The following GCLC variants were observed in gnomAD, a reference collection of about 807,000 sequenced individuals.
GCLC encodes glutamate--cysteine ligase catalytic subunit.
Under a neutral mutation model 81.5 loss-of-function variants are expected in GCLC, and 30 were observed. The ratio of observed to expected loss-of-function variants is 0.37; its 90% CI spans 0.28 to 0.50. GCLC has a LOEUF of 0.50. Among genes scored for constraint, GCLC ranks in the 20% least tolerant of loss-of-function variants. GCLC has a pLI of 0.96. For synonymous variants in GCLC, 262 were observed against 273.3 expected, an observed-to-expected ratio of 0.96 and a Z score of 0.41; for missense variants, 556 against 777.4, an observed-to-expected ratio of 0.72 and a Z score of 3.39.
At chr6:53,543,781 C>T (rs1763399158) in intron 1 of GCLC, among the ~76,000 whole-genome samples, 1 of 150,242 alleles carries the variant, frequency 6.7e-6, no homozygotes, top group African/African-American at 2.5e-5. Flanking sequence ...AGAGACATTT[C>T]ATCTCTAGGC....
intron 6 of GCLC, chr6:53,513,522 T>C (rs1183002998): frequency 1.3e-5 from 2 of 151,382 alleles, no homozygotes; most frequent in African/African-American, 4.9e-5. Flanking sequence ...GTAAAGGGAG[T>C]TGCCCAAAAA....
intron 12 of GCLC, among the ~76,000 whole-genome samples, chr6:53,503,754 T>TTTTAC (rs1764558809): frequency 6.6e-6 from 1 of 152,172 alleles, no homozygotes; most frequent in Admixed American, 6.6e-5. Flanking sequence ...GATTATTGTA[T>TTTTAC]ATCTTTCCTA....
chr6:53,535,265 A>T (rs1204830389), intron 1 of GCLC, among the ~76,000 whole-genome samples: 1 of 152,198 alleles, frequency 6.6e-6, no homozygotes, highest in African/African-American at 2.4e-5. Flanking sequence ...CTGTAATCCT[A>T]GCACTCTGGG....
intron 1 of GCLC, among the ~76,000 whole-genome samples, chr6:53,522,946 CACTT>C (rs1378732064): frequency 6.6e-6 from 1 of 152,218 alleles, no homozygotes; most frequent in African/African-American, 2.4e-5. Flanking sequence ...AGGTAGATTA[CACTT>C]ACTTACTGGC....
At chr6:53,539,766 A>T (rs1275464575) in intron 1 of GCLC, among the ~76,000 whole-genome samples, 1 of 152,106 alleles carries the variant, frequency 6.6e-6, no homozygotes, top group African/African-American at 2.4e-5. Flanking sequence ...CACACCATCC[A>T]CCACACCCAC....
chr6:53,544,194 C>G (rs1014732343), intron 1 of GCLC, among the ~76,000 whole-genome samples: 18 of 152,206 alleles, frequency 1.2e-4, no homozygotes, highest in African/African-American at 4.3e-4. Flanking sequence ...GTTGAAGACT[C>G]GCAGCACCTA....
At chr6:53,537,978 T>G (rs1203689976) in intron 1 of GCLC, among the ~76,000 whole-genome samples, 1 of 152,072 alleles carries the variant, frequency 6.6e-6, no homozygotes, top group Non-Finnish European at 1.5e-5. Flanking sequence ...AAAATTGAAG[T>G]TGGGAGAGTA....
intron 1 of GCLC, among the ~76,000 whole-genome samples, chr6:53,533,474 C>T (rs1240365823): frequency 6.6e-6 from 1 of 152,178 alleles, no homozygotes; most frequent in Non-Finnish European, 1.5e-5. Context: ...ACTACTAACT[C>T]CCACATCAAA....
rs776669516 is a variant in GCLC, at chr6:53,498,852, G to A, written c.1818C>T (p.Asn606=). ...EMNYSLILKC[N]QIANELCECP... ...ATTCACATAATTCATTTGCAATTTGGTTACACTTCAAAATAAGGCTATAAT... is the reference window on the plus strand; with the variant it reads ...ATTCACATAATTCATTTGCAATTTGATTACACTTCAAAATAAGGCTATAAT... The change falls in exon 16 of 16, where the codon AAC becomes AAT. Residue 606 remains asparagine (N), a synonymous_variant. Transcript: ENST00000650454. 11 of 1,612,284 alleles carry A rather than the reference G, an allele frequency of 6.8e-6. No homozygotes were observed. The Admixed American group carries it at 1.8e-4, about 27-fold the overall frequency.
chr6:53,500,192 C>G (rs945040003), intron 14 of GCLC, 27 bp from the exon 15 acceptor site: 3 of 1,613,944 alleles, frequency 1.9e-6, no homozygotes, highest in Non-Finnish European at 2.5e-6. Flanking sequence ...ACTTTATGAA[C>G]TCCCTGCCGG....
In GCLC at chr6:53,544,262, G is replaced by A. The variant is rs557626544; in HGVS notation, c.150+234C>T. Among the ~76,000 whole-genome samples, 13 of 152,322 alleles carry A rather than the reference G, an allele frequency of 8.5e-5. No homozygotes were observed. In the South Asian group the frequency reaches 2.7e-3, roughly 32 times the overall value. Reference sequence around the variant, plus strand: ...GCCCAATCCGTGTTTATGGAATGAAGGGGAAAACCCAAAAGAATGAATGAA... The same window carrying A: ...GCCCAATCCGTGTTTATGGAATGAAAGGGAAAACCCAAAAGAATGAATGAA... On this transcript the variant is annotated intron_variant, in intron 1 of 15. Coordinates refer to ENST00000650454, the MANE Select transcript of GCLC (RefSeq NM_001498.4).
chr6:53,543,916 C>T (rs1025333344), intron 1 of GCLC, among the ~76,000 whole-genome samples: 4 of 152,164 alleles, frequency 2.6e-5, no homozygotes, highest in South Asian at 2.1e-4. Context: ...GGTTCCTCCC[C>T]CATGTAGGAA....
At chr6:53,511,702 A>G (rs565980998) in intron 6 of GCLC, among the ~76,000 whole-genome samples, 128 of 152,010 alleles carry the variant, frequency 8.4e-4, no homozygotes, top group Non-Finnish European at 1.2e-3. Context: ...TTATACCTTA[A>G]AAAGCTATGA....
In GCLC at chr6:53,507,777, T is replaced by G. The variant is rs897139334; in HGVS notation, c.946-159A>C. 4.8e-4 allele frequency among the ~76,000 whole-genome samples: 73 copies of G among 152,186 alleles called. 2 individuals are homozygous for G. The highest frequency in any genetic ancestry group is 2.1e-4 in the South Asian group (1 of 4,830). ...AAGGAAAATTATGTTTTTTAAAATC[T>G]GAAGGCAATTTAAATACCCTTTTTT... On this transcript the variant is annotated intron_variant, in intron 8 of 15. Transcript: ENST00000650454.
rs753909199 is a variant in GCLC at position 53,505,903 on chromosome 6, A to G, written c.1198-8T>C. 2.5e-6 allele frequency: 4 copies of G among 1,569,184 alleles called. No individual in the cohort carries two copies. The highest frequency in any genetic ancestry group is 3.5e-6 in the Non-Finnish European group (4 of 1,139,088). The stretch of plus-strand genomic sequence containing the variant: ...ATTTGTGGACTGAATATTCTGTGAT[A>G]CAAAAGCAGAGAAGAAAACCAACTT... On this transcript the variant is annotated splice_polypyrimidine_tract_variant and splice_region_variant and intron_variant, in intron 10 of 15. Coordinates refer to ENST00000650454, the MANE Select transcript of GCLC (RefSeq NM_001498.4).
At chr6:53,519,613 G>A (rs1762949695) in intron 3 of GCLC, among the ~76,000 whole-genome samples, 1 of 152,150 alleles carries the variant, frequency 6.6e-6, no homozygotes, top group Non-Finnish European at 1.5e-5. Flanking sequence ...GCCTGCAGCA[G>A]GCACTCAAGT....
chr6:53,507,803 T>C (rs1764645918), intron 8 of GCLC, among the ~76,000 whole-genome samples, 185 bp from the exon 9 acceptor site: 1 of 152,176 alleles, frequency 6.6e-6, no homozygotes, highest in South Asian at 2.1e-4. Flanking sequence ...ACCCTTTTTT[T>C]CTGGTATGAT....
Position 53,544,669 on chromosome 6 carries a change from C to CCTT in GCLC, c.-25_-24insAAG, listed in dbSNP as rs1432965583. ...ATGGCCGCCCCCTCCTCCTCCTCCTCCTCCTCCGGGCTGACGGCGGTCGCC... is the reference window on the plus strand; with the variant it reads ...ATGGCCGCCCCCTCCTCCTCCTCCTCCTTCTCCTCCGGGCTGACGGCGGTCGCC... On this transcript the variant is annotated 5_prime_UTR_variant, in exon 1 of 16. Transcript: ENST00000650454. 2.3e-5 allele frequency: 36 copies of CCTT among 1,580,320 alleles called. No homozygotes were observed. Among genetic ancestry groups the CCTT allele is most frequent in the African/African-American group, 2.7e-5 (2 of 72,950 alleles).
At chr6:53,527,410 A>C (rs1316456025) in intron 1 of GCLC, among the ~76,000 whole-genome samples, 1 of 152,236 alleles carries the variant, frequency 6.6e-6, no homozygotes, top group Non-Finnish European at 1.5e-5. Flanking sequence ...GCCTGCAACC[A>C]TTTTGAGGAC....
Sources: gnomAD v4.1 joint callset for allele counts (sites outside exome capture counted in the v4.1 genomes callset) on GRCh38, gnomAD v4.1.1 for gene constraint, MANE v1.5 for transcripts, NCBI Gene and HGNC (gene_info 2026-07-23, HGNC 2026-07-21) for gene names.